MYO3A: variants seen among roughly 807,000 people sequenced by gnomAD.
MYO3A encodes the protein myosin-IIIa.
A neutral mutation model predicts 192.7 loss-of-function variants in MYO3A; 180 were observed. The ratio of observed to expected loss-of-function variants is 0.93; its 90% CI spans 0.83 to 1.06. The LOEUF (loss-of-function observed/expected upper bound fraction) is 1.06. Among genes scored for constraint, MYO3A ranks in the 50% least tolerant of loss-of-function variants. MYO3A has a pLI of 0.00. For synonymous variants in MYO3A, 628 were observed against 645.3 expected (o/e 0.97, Z 0.41); for missense variants, 1,896 against 1,905.0 (o/e 1.00, Z 0.09).
rs528718604 is a variant in MYO3A, at chr10:26,148,443, G to A, written c.2635+884G>A. ...GAAATCAGGCAGTACAAGTTAACCT[G>A]ACTTTGTTCTTATTCAGGCTTGTTT... On this transcript the variant is annotated intron_variant, in intron 23 of 34. Coordinates refer to ENST00000642920, the MANE Select transcript of MYO3A (RefSeq NM_017433.5). Among the ~76,000 whole-genome samples, 120 of 152,274 alleles carry A rather than the reference G, an allele frequency of 7.9e-4. 2 individuals are homozygous for A. The highest frequency in any genetic ancestry group is 5.8e-3 in the Admixed American group (89 of 15,292).
intron 32 of MYO3A, among the ~76,000 whole-genome samples, chr10:26,200,408 T>A (rs1843628530): frequency 6.6e-6 from 1 of 152,230 alleles, no homozygotes; most frequent in Non-Finnish European, 1.5e-5. Flanking sequence ...TTTCCACAGT[T>A]ATAATATCTT....
At position 26,128,454 on chromosome 10, in the gene MYO3A, A is replaced by C; in HGVS notation, c.2178A>C (p.Lys726Asn). 1 of 1,612,840 alleles carries C rather than the reference A, an allele frequency of 6.2e-7. No homozygotes were observed. Among genetic ancestry groups the C allele is most frequent in the Non-Finnish European group, 8.5e-7 (1 of 1,179,024 alleles). The change falls in exon 20 of 35, where the codon AAA becomes AAC. Residue 726 changes from lysine (K) to asparagine (N), a missense_variant. Lys to Asn is a moderately conservative substitution (Grantham distance 94). Coordinates refer to ENST00000642920, the MANE Select transcript of MYO3A (RefSeq NM_017433.5). ...TATTTGGCTTTGAAAATTTCAAAAA[A>C]AATTCCTTCGAGCAGCTGTGCATTA... ...LDIFGFENFK[K>N]NSFEQLCINI...
chr10:26,184,302 A>G (rs75606729), intron 31 of MYO3A, among the ~76,000 whole-genome samples: 9,002 of 152,284 alleles, frequency 0.059, 346 homozygotes, highest in Non-Finnish European at 0.085. Flanking sequence ...AACATGCAGC[A>G]ATGAAAATTC....
Position 26,152,212 on chromosome 10 carries a change from T to C in MYO3A, c.2636-1638T>C, listed in dbSNP as rs551194378. On this transcript the variant is annotated intron_variant, in intron 23 of 34. Transcript: ENST00000642920. Reference sequence around the variant, plus strand: ...CAGAACCTCAGAGATAGCAAAGACATATGGATTTTATATTCACCCAGATGT... The same window carrying C: ...CAGAACCTCAGAGATAGCAAAGACACATGGATTTTATATTCACCCAGATGT... Among the ~76,000 whole-genome samples, 4 of 152,330 alleles carry C rather than the reference T, an allele frequency of 2.6e-5. No homozygotes were observed. The South Asian group carries it at 8.3e-4, about 32-fold the overall frequency.
At chr10:25,988,939 C>CTTTTTTTTTTTTTTTTTTTTTTTT (rs56308717) in intron 4 of MYO3A, among the ~76,000 whole-genome samples, 2 of 117,014 alleles carry the variant, frequency 1.7e-5, no homozygotes, top group Non-Finnish European at 3.5e-5. Flanking sequence ...CCCTAAAACT[C>CTTTTTTTTTTTTTTTTTTTTTTTT]TTTTTTTTTT....
chr10:26,112,628 C>G (rs1241428850), intron 17 of MYO3A, among the ~76,000 whole-genome samples: 3 of 152,184 alleles, frequency 2.0e-5, no homozygotes, highest in South Asian at 2.1e-4. Context: ...CTCCTGCTCT[C>G]TCTCTCTCTC....
chr10:25,935,570 G>A (rs2130778278), intron 1 of MYO3A, among the ~76,000 whole-genome samples, 174 bp from the exon 2 acceptor site: 1 of 152,294 alleles, frequency 6.6e-6, no homozygotes, highest in South Asian at 2.1e-4. Flanking sequence ...TATGAAATGA[G>A]GGGCTTTAAG....
rs991014115 is a variant in MYO3A, at chr10:26,212,181, C to G, written c.*218C>G. The G allele has an allele frequency of 3.3e-5, 21 of 633,926 alleles. No individual in the cohort carries two copies. The highest frequency in any genetic ancestry group is 4.9e-5 in the Non-Finnish European group (19 of 386,848). 39.3% of individuals were successfully genotyped at this position (633,926 alleles called of 1,614,324 possible). A position where few individuals can be genotyped will look rare whatever the true frequency, so the allele number is the denominator to read the frequency against. ...CCCTCGGGAAACCTCCCCCGACGCT[C>G]TCTCTCGGAACTCCCGCACCCTCCT... On this transcript the variant is annotated 3_prime_UTR_variant, in exon 35 of 35. Transcript: ENST00000642920.
intron 4 of MYO3A, among the ~76,000 whole-genome samples, chr10:25,973,742 C>T (rs1588685331): frequency 6.6e-6 from 1 of 152,024 alleles, no homozygotes; most frequent in East Asian, 1.9e-4. Flanking sequence ...CCAAAACAGA[C>T]ATATAGATCA....
At chr10:26,071,528 T>G (rs1241413058) in intron 14 of MYO3A, among the ~76,000 whole-genome samples, 1 of 152,138 alleles carries the variant, frequency 6.6e-6, no homozygotes, top group East Asian at 1.9e-4. Context: ...ATGGAAAAAT[T>G]TGATTTTGTC....
chr10:26,024,739 C>A (rs566622579), intron 9 of MYO3A, among the ~76,000 whole-genome samples: 2 of 152,294 alleles, frequency 1.3e-5, no homozygotes, highest in South Asian at 4.1e-4. Context: ...GTAGATGCTT[C>A]CACACAGATC....
intron 4 of MYO3A, among the ~76,000 whole-genome samples, chr10:25,972,238 A>G (rs1838697143): frequency 6.6e-6 from 1 of 151,800 alleles, no homozygotes; most frequent in Non-Finnish European, 1.5e-5. Context: ...CATTTCCATA[A>G]CTGTAGTTTT....
In MYO3A at chr10:25,952,097, T is replaced by A. The variant is rs767950171; in HGVS notation, c.-14T>A. 3 of 1,604,512 alleles carry A rather than the reference T, an allele frequency of 1.9e-6. No individual in the cohort carries two copies. The highest frequency in any genetic ancestry group is 2.6e-6 in the Non-Finnish European group (3 of 1,172,726). On this transcript the variant is annotated 5_prime_UTR_variant, in exon 3 of 35. Transcript: ENST00000642920. The stretch of plus-strand genomic sequence containing the variant: ...AAACTGTACTTCTTATCTCCAGGTT[T>A]TTAAACCTTTGAGATGTTTCCATTA...
At chr10:26,037,417 A>G (rs933906107) in intron 10 of MYO3A, among the ~76,000 whole-genome samples, 5 of 152,240 alleles carry the variant, frequency 3.3e-5, no homozygotes, top group African/African-American at 1.2e-4. Flanking sequence ...GTGAGAAAAA[A>G]ATTGGAGAAC....
At chr10:26,168,408 C>T (rs557296484) in intron 27 of MYO3A, among the ~76,000 whole-genome samples, 3 of 152,228 alleles carry the variant, frequency 2.0e-5, no homozygotes, top group East Asian at 3.9e-4. Context: ...CCAGAATATA[C>T]GATGCTAGAA....
intron 2 of MYO3A, among the ~76,000 whole-genome samples, chr10:25,939,313 T>C (rs974380755): frequency 6.6e-6 from 1 of 152,012 alleles, no homozygotes; most frequent in African/African-American, 2.4e-5. Context: ...TTTAAAGAAC[T>C]ATTACATTTA....
chr10:25,979,486 A>G (rs990836938), intron 4 of MYO3A, among the ~76,000 whole-genome samples: 7 of 151,718 alleles, frequency 4.6e-5, no homozygotes, highest in Admixed American at 2.6e-4. Context: ...CACCCTCCCA[A>G]GTGTACTTCT....
At chr10:26,000,988 G>A (rs975278633) in intron 6 of MYO3A, among the ~76,000 whole-genome samples, 1 of 151,988 alleles carries the variant, frequency 6.6e-6, no homozygotes. Flanking sequence ...ATGGGGGAAG[G>A]GCTACACACT....
chr10:26,139,882 T>TA (rs987999820), intron 20 of MYO3A, among the ~76,000 whole-genome samples: 104 of 145,970 alleles, frequency 7.1e-4, no homozygotes, highest in African/African-American at 2.0e-3. Flanking sequence ...ACAGATTGTC[T>TA]AAAAAAAAAA....
Sources: gnomAD v4.1 joint callset for allele counts (sites outside exome capture counted in the v4.1 genomes callset) on GRCh38, gnomAD v4.1.1 for gene constraint, MANE v1.5 for transcripts, NCBI Gene and HGNC (gene_info 2026-07-23, HGNC 2026-07-21) for gene names.